Variants in PTPRD observed in about 807,000 individuals in gnomAD.
The protein encoded by PTPRD is protein tyrosine phosphatase receptor type D, also known as receptor-type tyrosine-protein phosphatase delta.
Under a neutral mutation model 214.5 loss-of-function variants are expected in PTPRD, and 34 were observed. That is an observed-to-expected ratio of 0.16 (90% CI 0.12 to 0.21). The LOEUF (loss-of-function observed/expected upper bound fraction) is 0.21. PTPRD is among the 10% of genes least tolerant of loss of function. The pLI, the probability that PTPRD is intolerant of heterozygous loss-of-function variation, is 1.00. For synonymous variants in PTPRD, 1,128 were observed against 845.7 expected (o/e 1.33, Z -5.79); for missense variants, 2,545 against 2,398.7 (o/e 1.06, Z -1.27).
chr9:9,093,675 G>C (rs1024617082), intron 10 of PTPRD, among the ~76,000 whole-genome samples: 1 of 151,312 alleles, frequency 6.6e-6, no homozygotes, highest in Non-Finnish European at 1.5e-5. Context: ...TGGGCGGGGG[G>C]GCGGATGTAG....
intron 11 of PTPRD, among the ~76,000 whole-genome samples, chr9:8,985,089 C>A (rs1169335908): frequency 6.6e-6 from 1 of 152,004 alleles, no homozygotes; most frequent in Non-Finnish European, 1.5e-5. Context: ...TCGCAACAGA[C>A]AGTTTATTTC....
At chr9:10,178,963 C>A (rs1363545143) in intron 3 of PTPRD, among the ~76,000 whole-genome samples, 1 of 151,362 alleles carries the variant, frequency 6.6e-6, no homozygotes, top group African/African-American at 2.4e-5. Context: ...GAATGGGGAA[C>A]AATACTTTTC....
intron 3 of PTPRD, among the ~76,000 whole-genome samples, chr9:10,140,829 A>G (rs1376179974): frequency 6.6e-6 from 1 of 151,782 alleles, no homozygotes; most frequent in African/African-American, 2.4e-5. Flanking sequence ...TCCTTGATGA[A>G]CATTGATGCA....
intron 7 of PTPRD, among the ~76,000 whole-genome samples, chr9:9,648,411 T>A (rs764948807): frequency 2.5e-4 from 38 of 152,214 alleles, no homozygotes; most frequent in South Asian, 6.2e-4. Flanking sequence ...AGTATGGTCA[T>A]AACGTTCTGT....
At chr9:10,093,866 G>GT (rs2098456988) in intron 3 of PTPRD, among the ~76,000 whole-genome samples, 2 of 151,384 alleles carry the variant, frequency 1.3e-5, no homozygotes, top group Non-Finnish European at 3.0e-5. Flanking sequence ...GTTCTCACTT[G>GT]TAAATGGGAG....
chr9:9,670,265 TGAGA>T (rs147934224), intron 7 of PTPRD, among the ~76,000 whole-genome samples: 3,603 of 152,108 alleles, frequency 0.024, 51 homozygotes, highest in Non-Finnish European at 0.038. Context: ...TCTTTGAACT[TGAGA>T]GAGATGATTT....
At chr9:10,533,672 C>A (rs1405147390) in intron 2 of PTPRD, among the ~76,000 whole-genome samples, 1 of 151,800 alleles carries the variant, frequency 6.6e-6, no homozygotes, top group Non-Finnish European at 1.5e-5. Context: ...ACTAACACCT[C>A]CATCTGCATT....
chr9:9,445,043 C>T (rs1426317348), intron 8 of PTPRD, among the ~76,000 whole-genome samples: 1 of 152,042 alleles, frequency 6.6e-6, no homozygotes, highest in African/African-American at 2.4e-5. Context: ...GAGCAACAAA[C>T]ACACAAATAA....
At chr9:9,958,645 A>G (rs938370483) in intron 4 of PTPRD, among the ~76,000 whole-genome samples, 5 of 152,218 alleles carry the variant, frequency 3.3e-5, no homozygotes, top group Non-Finnish European at 7.3e-5. Flanking sequence ...TACAAAACAC[A>G]TATCTGCCAA....
At position 9,104,378 on chromosome 9, in the gene PTPRD, G is replaced by A. The variant is rs10122031; in HGVS notation, c.-143+78926C>T. Among the ~76,000 whole-genome samples, 732 of 152,258 alleles carry A rather than the reference G, an allele frequency of 4.8e-3. 12 individuals carry two copies. The highest frequency in any genetic ancestry group is 0.017 in the African/African-American group (701 of 41,556). ...ATATGGGCTCTATAAAAACAGATAA[G>A]GTAAGTAGACAGGAAGATGGCTTTA... is the stretch of plus-strand genomic sequence containing the variant. On this transcript the variant is annotated intron_variant, in intron 10 of 45. Transcript: ENST00000381196.
At chr9:10,276,748 C>T (rs1040207447) in intron 3 of PTPRD, among the ~76,000 whole-genome samples, 7 of 152,068 alleles carry the variant, frequency 4.6e-5, no homozygotes, top group Non-Finnish European at 1.0e-4. Context: ...GAACAGAAGG[C>T]CAGGTAGTAG....
intron 11 of PTPRD, among the ~76,000 whole-genome samples, chr9:8,942,362 G>A (rs564196712): frequency 9.2e-5 from 14 of 152,188 alleles, no homozygotes; most frequent in African/African-American, 2.4e-4. Flanking sequence ...ACTGCTTCCC[G>A]TTTTACGTGA....
intron 14 of PTPRD, among the ~76,000 whole-genome samples, chr9:8,572,630 T>C (rs2091454262): frequency 6.6e-6 from 1 of 152,084 alleles, no homozygotes; most frequent in African/African-American, 2.4e-5. Context: ...AATTAGGCAC[T>C]AGAATAACTG....
At chr9:9,077,357 G>A (rs151160506) in intron 10 of PTPRD, among the ~76,000 whole-genome samples, 64 of 152,132 alleles carry the variant, frequency 4.2e-4, no homozygotes, top group Admixed American at 1.4e-3. Flanking sequence ...GAAGCAGAAT[G>A]GGGATGAATT....
chr9:9,547,283 A>G (rs912555005), intron 8 of PTPRD, among the ~76,000 whole-genome samples: 1 of 152,076 alleles, frequency 6.6e-6, no homozygotes, highest in African/African-American at 2.4e-5. Flanking sequence ...ACCTCCCTGA[A>G]TGTGCAGAGC....
At position 9,758,759 on chromosome 9, in the gene PTPRD, A is replaced by T. The variant is rs1279543208; in HGVS notation, c.-326+8051T>A. Among the ~76,000 whole-genome samples the T allele has an allele frequency of 3.7e-3, 113 of 30,398 alleles. 1 individual carries two copies. The highest frequency in any genetic ancestry group is 2.9e-3 in the East Asian group (4 of 1,374). The allele number at this position is 30,398 out of a possible 152,430, so 19.9% of individuals were successfully genotyped here. A position where few individuals can be genotyped will look rare whatever the true frequency, so the allele number is the denominator to read the frequency against. On this transcript the variant is annotated intron_variant, in intron 6 of 45. Coordinates refer to ENST00000381196, the MANE Select transcript of PTPRD (RefSeq NM_002839.4). ...GCCACCCACCCCCAACCCCCATCCCACTACTCCCACCCCCCATATATTCAG... is the reference window on the plus strand; with the variant it reads ...GCCACCCACCCCCAACCCCCATCCCTCTACTCCCACCCCCCATATATTCAG...
Position 9,833,682 on chromosome 9 carries a change from G to GGC in PTPRD, c.-367-66832_-367-66831insGC, listed in dbSNP as rs1555186440. On this transcript the variant is annotated intron_variant, in intron 5 of 45. Coordinates refer to ENST00000381196, the MANE Select transcript of PTPRD (RefSeq NM_002839.4). ...CCATAAGAGACAGGTACGCTCCGGA[G>GGC]AGGGGGGCAGTTCAGAGACCTACCC... Among the ~76,000 whole-genome samples, 4 of 89,264 alleles carry GGC rather than the reference G, an allele frequency of 4.5e-5. No homozygotes were observed. In the South Asian group the frequency reaches 1.4e-3, roughly 31 times the overall value. 58.6% of individuals were successfully genotyped at this position (89,264 alleles called of 152,430 possible). A position where few individuals can be genotyped will look rare whatever the true frequency, so the allele number is the denominator to read the frequency against.
At chr9:10,300,699 C>T (rs934107477) in intron 3 of PTPRD, among the ~76,000 whole-genome samples, 5 of 152,144 alleles carry the variant, frequency 3.3e-5, no homozygotes, top group African/African-American at 1.2e-4. Flanking sequence ...CTGCTGCAGC[C>T]AGACTGCCTC....
intron 3 of PTPRD, among the ~76,000 whole-genome samples, chr9:10,144,123 A>G (rs2099006782): frequency 6.6e-6 from 1 of 151,926 alleles, no homozygotes; most frequent in South Asian, 2.1e-4. Flanking sequence ...TTTTAAAAAT[A>G]AATAGAGAAT....
Sources: allele counts gnomAD v4.1 joint callset (sites outside exome capture counted in the v4.1 genomes callset), GRCh38; gene constraint gnomAD v4.1.1; transcripts MANE v1.5; gene names NCBI Gene and HGNC (gene_info 2026-07-23, HGNC 2026-07-21).